PROS1: variants seen among roughly 807,000 people sequenced by gnomAD.
PROS1 encodes vitamin K-dependent protein S.
PROS1 carries 29 observed loss-of-function variants against 75.9 expected under a neutral mutation model. The ratio of observed to expected loss-of-function variants is 0.38; its 90% CI spans 0.28 to 0.52. The LOEUF (loss-of-function observed/expected upper bound fraction) is 0.52, where lower values mean the gene tolerates loss of function less well. PROS1 is among the 20% of genes least tolerant of loss of function. The pLI, the probability that PROS1 is intolerant of heterozygous loss-of-function variation, is 0.83. For missense variants in PROS1, 680 were observed against 810.3 expected (o/e 0.84, Z 1.95); for synonymous variants, 245 against 280.6 (o/e 0.87, Z 1.27).
chr3:93,924,608 A>G (rs1352597173), intron 2 of PROS1, among the ~76,000 whole-genome samples: 1 of 151,154 alleles, frequency 6.6e-6, no homozygotes, highest in East Asian at 1.9e-4. Flanking sequence ...GACACATTTT[A>G]TGTCATAATG....
intron 6 of PROS1, among the ~76,000 whole-genome samples, chr3:93,901,891 A>C (rs1289770228): frequency 6.6e-6 from 1 of 152,220 alleles, no homozygotes; most frequent in Non-Finnish European, 1.5e-5. Flanking sequence ...TTACAACTTC[A>C]TGTGAATCTT....
In PROS1 at chr3:93,923,703, T is replaced by C. The variant is rs532223096; in HGVS notation, c.259+537A>G. ...ACACTTGAGCCCAGGAGTTCAAGAC[T>C]ACCCTGGCCAACATGGCGAAACCCT... On this transcript the variant is annotated intron_variant, in intron 3 of 14. Coordinates refer to ENST00000394236, the MANE Select transcript of PROS1 (RefSeq NM_000313.4). 2.5e-3 allele frequency among the ~76,000 whole-genome samples: 386 copies of C among 152,142 alleles called. 1 individual carries two copies. Among genetic ancestry groups the C allele is most frequent in the Middle Eastern group, 6.8e-3 (2 of 294 alleles).
At chr3:93,890,720 G>T (rs1413162790) in intron 10 of PROS1, among the ~76,000 whole-genome samples, 1 of 152,166 alleles carries the variant, frequency 6.6e-6, no homozygotes, top group Non-Finnish European at 1.5e-5. Context: ...AGCATCAAAA[G>T]CACTCACTAA....
intron 3 of PROS1, among the ~76,000 whole-genome samples, chr3:93,922,729 A>G (rs1386725230): frequency 1.3e-5 from 2 of 152,202 alleles, no homozygotes; most frequent in Non-Finnish European, 2.9e-5. Flanking sequence ...GGCCTATAGA[A>G]TATACACATC....
intron 1 of PROS1, among the ~76,000 whole-genome samples, chr3:93,961,841 TAACATTGAAAAGCCAGA>T (rs991701648): frequency 2.6e-5 from 4 of 152,268 alleles, no homozygotes; most frequent in African/African-American, 9.6e-5. Context: ...ACACACCAAA[TAACATTGAAAAGCCAGA>T]CATTCCTTGG....
chr3:93,906,229 C>T, intron 4 of PROS1, 86 bp from the exon 5 acceptor site: 1 of 1,443,844 alleles, frequency 6.9e-7, no homozygotes, highest in Non-Finnish European at 9.5e-7. Context: ...AATCCTGAAG[C>T]CTAGAACCAA....
intron 1 of PROS1, among the ~76,000 whole-genome samples, chr3:93,937,614 A>T (rs1709205108): frequency 6.6e-6 from 1 of 151,922 alleles, no homozygotes; most frequent in Non-Finnish European, 1.5e-5. Context: ...TGATCCGCCC[A>T]CCTCAGCCTC....
At chr3:93,918,038 G>C (rs1398038854) in intron 3 of PROS1, among the ~76,000 whole-genome samples, 1 of 152,196 alleles carries the variant, frequency 6.6e-6, no homozygotes, top group East Asian at 1.9e-4. Context: ...GGTTAAGCCA[G>C]CTGCGCTCCT....
chr3:93,959,557 T>C (rs1002761202), intron 1 of PROS1, among the ~76,000 whole-genome samples: 1 of 152,200 alleles, frequency 6.6e-6, no homozygotes, highest in Non-Finnish European at 1.5e-5. Context: ...ATCTATCTTC[T>C]CTATCTCATT....
At position 93,914,186 on chromosome 3, in the gene PROS1, C is replaced by T. The variant is rs376251265; in HGVS notation, c.260-3481G>A. Among the ~76,000 whole-genome samples the T allele has an allele frequency of 3.5e-4, 54 of 152,280 alleles. No individual in the cohort carries two copies. The South Asian group carries it at 0.011, about 31-fold the overall frequency. ...TGGTAGCCCTATAGTTCTGGGCTCT[C>T]GGGGCTTCCCAACTCCCATGGCTCC... is the stretch of plus-strand genomic sequence containing the variant. On this transcript the variant is annotated intron_variant, in intron 3 of 14. Transcript: ENST00000394236.
At chr3:93,900,555 A>T (rs1291958112) in intron 7 of PROS1, among the ~76,000 whole-genome samples, 3 of 152,214 alleles carry the variant, frequency 2.0e-5, no homozygotes, top group Admixed American at 6.5e-5. Flanking sequence ...TTTACCACAC[A>T]TGGAGGTCTC....
intron 3 of PROS1, among the ~76,000 whole-genome samples, chr3:93,918,860 T>A (rs2107189911): frequency 6.6e-6 from 1 of 152,330 alleles, no homozygotes; most frequent in East Asian, 1.9e-4. Context: ...TGTGTATTTT[T>A]AAAATTTGTA....
At chr3:93,956,563 A>ACACACAAAC (rs57080075) in intron 1 of PROS1, among the ~76,000 whole-genome samples, 7,411 of 128,030 alleles carry the variant, frequency 0.058, 245 homozygotes, top group Middle Eastern at 0.16. Context: ...CACACACACA[A>ACACACAAAC]ACACACACAC....
chr3:93,913,090 T>C (rs567386134), intron 3 of PROS1, among the ~76,000 whole-genome samples: 211 of 152,304 alleles, frequency 1.4e-3, no homozygotes, highest in Non-Finnish European at 2.3e-3. Context: ...TGGAGGTAAT[T>C]GAATCAGGGG....
At chr3:93,958,341 T>C (rs763537231) in intron 1 of PROS1, among the ~76,000 whole-genome samples, 18 of 152,186 alleles carry the variant, frequency 1.2e-4, no homozygotes, top group East Asian at 5.8e-4. Flanking sequence ...AATGTAAAGA[T>C]AGTTTAGGTC....
chr3:93,968,249 C>T (rs1709820088), intron 1 of PROS1, among the ~76,000 whole-genome samples: 2 of 152,028 alleles, frequency 1.3e-5, no homozygotes, highest in South Asian at 4.1e-4. Flanking sequence ...AGGCCTTAAT[C>T]CAGTGAGTCT....
intron 12 of PROS1, among the ~76,000 whole-genome samples, chr3:93,880,738 T>C (rs1481357930): frequency 6.6e-6 from 1 of 152,126 alleles, no homozygotes; most frequent in Non-Finnish European, 1.5e-5. Flanking sequence ...TGTATAGAAG[T>C]TAAAATGTAA....
rs1024910578 is a variant in PROS1 at position 93,973,520 on chromosome 3, A to G, written c.76+154T>C. 40 of 757,040 alleles carry G rather than the reference A, an allele frequency of 5.3e-5. No homozygotes were observed. In the Admixed American group the frequency reaches 8.3e-4, roughly 16 times the overall value. The allele number at this position is 757,040 out of a possible 1,614,324, so 46.9% of individuals were successfully genotyped here. On this transcript the variant is annotated intron_variant, in intron 1 of 14. Coordinates refer to ENST00000394236, the MANE Select transcript of PROS1 (RefSeq NM_000313.4). ...GCCCCACCATTGCACTGCCTGCTCT[A>G]TCCACGGCTGTTTCCATCCGCTGGG... is the stretch of plus-strand genomic sequence containing the variant.
intron 7 of PROS1, among the ~76,000 whole-genome samples, chr3:93,899,837 T>C (rs555394542): frequency 6.6e-6 from 1 of 152,278 alleles, no homozygotes; most frequent in Non-Finnish European, 1.5e-5. Context: ...TTGGGGCTGA[T>C]GAAAAAGTTT....
Sources: allele counts gnomAD v4.1 joint callset (sites outside exome capture counted in the v4.1 genomes callset), GRCh38; gene constraint gnomAD v4.1.1; transcripts MANE v1.5; gene names NCBI Gene and HGNC (gene_info 2026-07-23, HGNC 2026-07-21).